PLA2G4A: variants seen among roughly 807,000 people sequenced by gnomAD.
PLA2G4A encodes cytosolic phospholipase A2.
A neutral mutation model predicts 81.9 loss-of-function variants in PLA2G4A; 40 were observed. The observed-to-expected ratio is 0.49, with a 90% CI of 0.38 to 0.64. PLA2G4A has a LOEUF of 0.64. PLA2G4A is among the 30% of genes least tolerant of loss of function. The pLI is 0.00. For synonymous variants in PLA2G4A, 302 were observed against 296.9 expected, an observed-to-expected ratio of 1.02 and a Z score of -0.18; for missense variants, 715 against 905.1, an observed-to-expected ratio of 0.79 and a Z score of 2.69.
intron 17 of PLA2G4A, among the ~76,000 whole-genome samples, chr1:186,985,603 A>C (rs555710171): frequency 2.0e-5 from 3 of 152,246 alleles, no homozygotes; most frequent in African/African-American, 7.2e-5. Flanking sequence ...TCACCTCTAC[A>C]AATTTGTTTC....
chr1:186,874,383 T>A (rs1270299480), intron 3 of PLA2G4A, among the ~76,000 whole-genome samples: 2 of 148,656 alleles, frequency 1.3e-5, no homozygotes, highest in Non-Finnish European at 3.0e-5. Flanking sequence ...CTTTTAGAAG[T>A]GTTGGGGAAA....
intron 13 of PLA2G4A, among the ~76,000 whole-genome samples, chr1:186,955,732 C>T (rs1415011141): frequency 2.9e-5 from 1 of 34,494 alleles, no homozygotes; most frequent in Non-Finnish European, 5.1e-5. Context: ...CAAAGAAGAT[C>T]CCTTTTTTTT....
chr1:186,942,688 A>G (rs1044757237), intron 10 of PLA2G4A, among the ~76,000 whole-genome samples: 8 of 152,238 alleles, frequency 5.3e-5, no homozygotes, highest in Non-Finnish European at 1.2e-4. Flanking sequence ...CTTAACTAAA[A>G]TAATTAAAGA....
At chr1:186,939,542 C>T (rs1656075594) in intron 9 of PLA2G4A, among the ~76,000 whole-genome samples, 1 of 150,896 alleles carries the variant, frequency 6.6e-6, no homozygotes. Flanking sequence ...ACTGCCCATT[C>T]CCTCCAAGAA....
chr1:186,831,140 G>A (rs1651573197), intron 1 of PLA2G4A, among the ~76,000 whole-genome samples: 1 of 151,382 alleles, frequency 6.6e-6, no homozygotes, highest in Non-Finnish European at 1.5e-5. Flanking sequence ...TGCACATTAT[G>A]CCATTCCAAC....
At chr1:186,852,306 A>C (rs1394345443) in intron 1 of PLA2G4A, among the ~76,000 whole-genome samples, 1 of 152,028 alleles carries the variant, frequency 6.6e-6, no homozygotes, top group East Asian at 1.9e-4. Flanking sequence ...TAAATAATAC[A>C]GTCAGGGAAG....
intron 17 of PLA2G4A, among the ~76,000 whole-genome samples, chr1:186,986,149 C>A (rs1657884527): frequency 6.6e-6 from 1 of 152,126 alleles, no homozygotes; most frequent in Admixed American, 6.5e-5. Flanking sequence ...GTTCATTTTC[C>A]TTTATCAGAA....
Position 186,878,910 on chromosome 1 carries a change from C to A in PLA2G4A, c.115+8394C>A, listed in dbSNP as rs1380766461. On this transcript the variant is annotated intron_variant, in intron 3 of 17. Transcript: ENST00000367466. ...AGAGACTAAATGTTTCTTAAATTACCAAGGACAAGTATGTTCTTAAAGTGT... is the reference window on the plus strand; with the variant it reads ...AGAGACTAAATGTTTCTTAAATTACAAAGGACAAGTATGTTCTTAAAGTGT... Among the ~76,000 whole-genome samples, 4 of 151,732 alleles carry A rather than the reference C, an allele frequency of 2.6e-5. No individual in the cohort carries two copies. The East Asian group carries it at 5.8e-4, about 22-fold the overall frequency.
chr1:186,872,036 T>A (rs1653291259), intron 3 of PLA2G4A, among the ~76,000 whole-genome samples: 1 of 152,070 alleles, frequency 6.6e-6, no homozygotes, highest in Admixed American at 6.6e-5. Flanking sequence ...AGGAGAGGAT[T>A]GTTAGGTAGA....
chr1:186,900,220 T>C (rs1482898358), intron 5 of PLA2G4A, among the ~76,000 whole-genome samples: 2 of 152,172 alleles, frequency 1.3e-5, no homozygotes, highest in East Asian at 3.8e-4. Context: ...AACCATGTGA[T>C]GGTGGACATG....
intron 5 of PLA2G4A, among the ~76,000 whole-genome samples, chr1:186,897,479 C>G (rs1420552679): frequency 6.6e-6 from 1 of 151,906 alleles, no homozygotes; most frequent in Non-Finnish European, 1.5e-5. Context: ...AAGAATACTT[C>G]TCTTCTTTTA....
At chr1:186,946,355 T>C (rs959913982) in intron 10 of PLA2G4A, among the ~76,000 whole-genome samples, 15 of 152,158 alleles carry the variant, frequency 9.9e-5, no homozygotes, top group Non-Finnish European at 2.1e-4. Context: ...AAAACTGGCT[T>C]CAAAAAGACA....
chr1:186,904,193 G>C (rs1654650185), intron 5 of PLA2G4A, among the ~76,000 whole-genome samples: 1 of 152,190 alleles, frequency 6.6e-6, no homozygotes, highest in Non-Finnish European at 1.5e-5. Flanking sequence ...TGACATTGCT[G>C]CTTTTCACAA....
At chr1:186,849,847 C>T (rs1306977582) in intron 1 of PLA2G4A, among the ~76,000 whole-genome samples, 1 of 152,102 alleles carries the variant, frequency 6.6e-6, no homozygotes, top group Non-Finnish European at 1.5e-5. Context: ...TTTGCCTCTC[C>T]AGTCCCTTGA....
In PLA2G4A at chr1:186,843,899, A is replaced by T. The variant is rs546124079; in HGVS notation, c.-69-10387A>T. On this transcript the variant is annotated intron_variant, in intron 1 of 17. Coordinates refer to ENST00000367466, the MANE Select transcript of PLA2G4A (RefSeq NM_024420.3). ...GAATCTCTCTCTTCTCTGAAACTCT[A>T]GTAGGTATTTCATATATACTTGTCT... Among the ~76,000 whole-genome samples, 14 of 152,302 alleles carry T rather than the reference A, an allele frequency of 9.2e-5. 1 individual carries two copies. The East Asian group carries it at 2.7e-3, about 29-fold the overall frequency.
intron 5 of PLA2G4A, among the ~76,000 whole-genome samples, chr1:186,895,623 C>T (rs748021079): frequency 5.3e-4 from 80 of 152,194 alleles, no homozygotes; most frequent in Non-Finnish European, 7.5e-4. Flanking sequence ...GAGATACATA[C>T]GTGTGATAAA....
chr1:186,889,903 A>G lies in PLA2G4A; in HGVS notation c.116-3108A>G, dbSNP rs73055713. ...AATCTAATTTTTGTTACTGAGGAAC[A>G]TGATGTAATAAGAGAATGATTGTTG... On this transcript the variant is annotated intron_variant, in intron 3 of 17. Coordinates refer to ENST00000367466, the MANE Select transcript of PLA2G4A (RefSeq NM_024420.3). 6.0e-3 allele frequency among the ~76,000 whole-genome samples: 909 copies of G among 152,190 alleles called. 11 individuals carry two copies. Among genetic ancestry groups the G allele is most frequent in the African/African-American group, 0.021 (871 of 41,514 alleles).
At chr1:186,841,722 T>C (rs115048084) in intron 1 of PLA2G4A, among the ~76,000 whole-genome samples, 2,243 of 151,430 alleles carry the variant, frequency 0.015, 23 homozygotes, top group Non-Finnish European at 0.022. Flanking sequence ...CAAACCAGAG[T>C]GGTCAAGGAA....
At chr1:186,884,908 AG>A (rs1216644189) in intron 3 of PLA2G4A, among the ~76,000 whole-genome samples, 2 of 140,558 alleles carry the variant, frequency 1.4e-5, no homozygotes, top group Admixed American at 1.4e-4. Context: ...AAAAAAAAAA[AG>A]AAGGAATAAG....
Sources: allele counts gnomAD v4.1 joint callset (sites outside exome capture counted in the v4.1 genomes callset), GRCh38; gene constraint gnomAD v4.1.1; transcripts MANE v1.5; gene names NCBI Gene and HGNC (gene_info 2026-07-23, HGNC 2026-07-21).